Variants in FDFT1 observed in about 807,000 individuals in gnomAD.
FDFT1 encodes farnesyl-diphosphate farnesyltransferase 1.
FDFT1 carries 68 observed loss-of-function variants against 46.8 expected under a neutral mutation model. That is an observed-to-expected ratio of 1.45 (90% CI 1.19 to 1.78). FDFT1 has a LOEUF of 1.78. FDFT1 is among the 40% of genes most tolerant of loss of function. FDFT1 has a pLI of 0.00. For synonymous variants in FDFT1, 351 were observed against 185.1 expected (o/e 1.90, Z -7.28); for missense variants, 928 against 524.4 (o/e 1.77, Z -7.52).
intron 5 of FDFT1, among the ~76,000 whole-genome samples, chr8:11,829,035 C>T (rs1810404026): frequency 6.6e-6 from 1 of 152,132 alleles, no homozygotes; most frequent in South Asian, 2.1e-4. Context: ...AGTGGAATTG[C>T]TGGTTCATAC....
chr8:11,826,277 A>T (rs1585968919), intron 5 of FDFT1, 62 bp downstream of exon 5: 2 of 1,311,872 alleles, frequency 1.5e-6, no homozygotes, highest in Middle Eastern at 5.1e-4. Flanking sequence ...AAATCCTTTA[A>T]CTCTTGTGGT....
Position 11,826,044 on chromosome 8 carries a change from G to A in FDFT1, c.531G>A (p.Gly177=), listed in dbSNP as rs372236201. Reference sequence around the variant, plus strand: ...TACAGTACTGCCACTATGTTGCTGGGCTGGTCGGAATTGGCCTTTCCCGTC... The same window carrying A: ...TACAGTACTGCCACTATGTTGCTGGACTGGTCGGAATTGGCCTTTCCCGTC... ...EWDKYCHYVA[G]LVGIGLSRLF... The change falls in exon 5 of 8, where the codon GGG becomes GGA. Residue 177 remains glycine, a synonymous_variant. Transcript: ENST00000220584. 9.4e-6 allele frequency: 15 copies of A among 1,595,174 alleles called. No homozygotes were observed. Among genetic ancestry groups the A allele is most frequent in the East Asian group, 2.2e-5 (1 of 44,480 alleles).
chr8:11,826,304 A>G (rs1306369810), intron 5 of FDFT1, 89 bp downstream of exon 5: 2 of 1,010,588 alleles, frequency 2.0e-6, no homozygotes, highest in African/African-American at 3.2e-5. Context: ...TGACAGAAAA[A>G]CAAGTCAGGC....
At chr8:11,800,629 A>C (rs1806020232), upstream of FDFT1, among the ~76,000 whole-genome samples, 1 of 152,252 alleles carries the variant, frequency 6.6e-6, no homozygotes, top group Non-Finnish European at 1.5e-5. Context: ...GCTTTCTTGG[A>C]CCACTATAAG....
intron 1 of FDFT1, 156 bp from the exon 2 acceptor site, chr8:11,808,638 C>A: frequency 2.1e-6 from 3 of 1,397,070 alleles, no homozygotes; most frequent in Non-Finnish European, 1.9e-6. Flanking sequence ...CTGCTGCTTG[C>A]CTCCTGCCGC....
chr8:11,808,563 C>A (rs1222440620), intron 1 of FDFT1: 2 of 1,366,280 alleles, frequency 1.5e-6, no homozygotes, highest in Non-Finnish European at 1.9e-6. Context: ...CCTCTTCAAG[C>A]GCACCTTGGT....
Position 11,838,406 on chromosome 8 carries a change from G to C in FDFT1, c.1051G>C (p.Asp351His), listed in dbSNP as rs572243364. ...TTAACAGATTTATCATAGAATCCCC[G>C]ACTCAGACCCATCTTCTAGCAAAAC... ...YMEEIYHRIP[D>H]SDPSSSKTRQ... The change falls in exon 8 of 8, where the codon GAC becomes CAC. Residue 351 changes from aspartate to histidine, a missense_variant. Physicochemically the swap from Asp to His is moderately conservative, Grantham distance 81 (BLOSUM62 -1). Transcript: ENST00000220584. 1 of 1,613,542 alleles carries C rather than the reference G, an allele frequency of 6.2e-7. No homozygotes were observed. The highest frequency in any genetic ancestry group is 8.5e-7 in the Non-Finnish European group (1 of 1,179,698).
At position 11,831,557 on chromosome 8, in the gene FDFT1, C is replaced by A. The variant is rs758172978; in HGVS notation, c.919C>A (p.Gln307Lys). The A allele has an allele frequency of 6.4e-5, 104 of 1,613,886 alleles. No homozygotes were observed. Among genetic ancestry groups the A allele is most frequent in the Non-Finnish European group, 8.5e-5 (100 of 1,179,862 alleles). ...IATLAACYNN[Q>K]QVFKGAVKIR... ...CACTTTGGCTGCCTGTTATAATAAC[C>A]AGCAGGTGTTCAAAGGGGCAGTGAA... Residue 307 changes from glutamine to lysine, a missense_variant, in exon 7 of 8, where the codon CAG becomes AAG. Gln to Lys is a moderately conservative substitution (Grantham distance 53, BLOSUM62 1). Transcript: ENST00000220584.
At chr8:11,799,119 C>G (rs1328107594), upstream of FDFT1, among the ~76,000 whole-genome samples, 2 of 152,328 alleles carry the variant, frequency 1.3e-5, no homozygotes, top group East Asian at 3.9e-4. Context: ...GGGATAGAGA[C>G]TCAACATGTG....
intron 3 of FDFT1, among the ~76,000 whole-genome samples, chr8:11,816,463 T>C (rs1225700950): frequency 6.6e-6 from 1 of 152,232 alleles, no homozygotes; most frequent in East Asian, 1.9e-4. Flanking sequence ...TTGGGCAGTA[T>C]AGCCATTTTC....
Position 11,808,878 on chromosome 8 carries a change from G to C in FDFT1, c.184G>C (p.Asp62His), listed in dbSNP as rs754452530. 5 of 1,613,844 alleles carry C rather than the reference G, an allele frequency of 3.1e-6. No individual in the cohort carries two copies. The highest frequency in any genetic ancestry group is 2.2e-5 in the East Asian group (1 of 44,884). ...TTTCGCAGCTGTTATCCAGGCGCTG[G>C]ATGGGGAAATGCGGTGAGTGATGGA... ...RSFAAVIQAL[D>H]GEMRNAVCIF... The change falls in exon 2 of 8, where the codon GAT (aspartate) becomes CAT (histidine). Residue 62 changes from aspartate to histidine, a missense_variant. Transcript: ENST00000220584.
At chr8:11,808,994 C>G (rs937085107) in intron 2 of FDFT1, 103 bp downstream of exon 2, 10 of 1,500,430 alleles carry the variant, frequency 6.7e-6, no homozygotes, top group Middle Eastern at 4.0e-4. Context: ...GTTGCAGCCT[C>G]GTTGCTGTGG....
intron 1 of FDFT1, among the ~76,000 whole-genome samples, chr8:11,796,744 C>T (rs576500965): frequency 6.6e-6 from 1 of 152,330 alleles, no homozygotes; most frequent in Admixed American, 6.5e-5. Flanking sequence ...GGGCTGATTG[C>T]TGCTGAGGTT....
At chr8:11,808,743 CACTCCT>C (rs776259006) in intron 1 of FDFT1, 45 bp from the exon 2 acceptor site, 134 of 1,234,510 alleles carry the variant, frequency 1.1e-4, no homozygotes, top group Middle Eastern at 1.9e-4. Context: ...CTCCCACTCC[CACTCCT>C]GCTCCTCGAC....
intron 5 of FDFT1, among the ~76,000 whole-genome samples, chr8:11,827,612 TAAG>T (rs1364734922): frequency 2.0e-5 from 3 of 151,736 alleles, no homozygotes; most frequent in Non-Finnish European, 4.4e-5. Context: ...TTCTAAAAGT[TAAG>T]AAAAAGGCCA....
rs1368145226 is a variant in FDFT1, at chr8:11,838,469, C to T, written c.1114C>T (p.Pro372Ser). ...CTCCACCATCCGGACGCAGAATCTTCCCAACTGTCAGCTGATTTCCCGAAG... is the reference window on the plus strand; with the variant it reads ...CTCCACCATCCGGACGCAGAATCTTTCCAACTGTCAGCTGATTTCCCGAAG... ...IISTIRTQNLPNCQLISRSHY... is the reference protein window; with the variant it reads ...IISTIRTQNLSNCQLISRSHY... The change falls in exon 8 of 8, where the codon CCC becomes TCC. Residue 372 changes from proline (P) to serine (S), a missense_variant. Pro to Ser is a moderately conservative substitution (Grantham distance 74). Coordinates refer to ENST00000220584, the MANE Select transcript of FDFT1 (RefSeq NM_004462.5). 6.2e-7 allele frequency: 1 copy of T among 1,606,772 alleles called. No homozygotes were observed. Among genetic ancestry groups the T allele is most frequent in the Non-Finnish European group, 8.5e-7 (1 of 1,175,752 alleles).
chr8:11,830,628 A>T (rs79569566), intron 6 of FDFT1, among the ~76,000 whole-genome samples: 2,600 of 152,266 alleles, frequency 0.017, 36 homozygotes, highest in Non-Finnish European at 0.024. Flanking sequence ...TCCTTTTCAG[A>T]ACCTTCTTTC....
At chr8:11,830,747 T>C (rs887519664) in intron 6 of FDFT1, among the ~76,000 whole-genome samples, 2 of 152,208 alleles carry the variant, frequency 1.3e-5, no homozygotes, top group Admixed American at 1.3e-4. Flanking sequence ...AAAACCTGGG[T>C]GAAGCTGTTA....
At chr8:11,826,543 G>T (rs189523549) in intron 5 of FDFT1, among the ~76,000 whole-genome samples, 1 of 152,344 alleles carries the variant, frequency 6.6e-6, no homozygotes, top group African/African-American at 2.4e-5. Context: ...GCCTGGCGCA[G>T]TGGCTCATGC....
Sources: gnomAD v4.1 joint callset for allele counts (sites outside exome capture counted in the v4.1 genomes callset) on GRCh38, gnomAD v4.1.1 for gene constraint, MANE v1.5 for transcripts, NCBI Gene and HGNC (gene_info 2026-07-23, HGNC 2026-07-21) for gene names.